SUN1: variants seen among roughly 807,000 people sequenced by gnomAD.
SUN1 encodes the protein SUN domain-containing protein 1.
A neutral mutation model predicts 103.2 loss-of-function variants in SUN1; 61 were observed. The ratio of observed to expected loss-of-function variants is 0.59; its 90% CI spans 0.48 to 0.73. The LOEUF (loss-of-function observed/expected upper bound fraction) is 0.73, where lower values mean the gene tolerates loss of function less well. SUN1 is among the 30% of genes least tolerant of loss of function. The pLI is 0.00. For missense variants in SUN1, 1,052 were observed against 1,034.6 expected (o/e 1.02, Z -0.23); for synonymous variants, 490 against 425.7 (o/e 1.15, Z -1.86).
chr7:823,195 G>A (rs775797545), intron 1 of SUN1, among the ~76,000 whole-genome samples: 2 of 152,258 alleles, frequency 1.3e-5, no homozygotes, highest in African/African-American at 2.4e-5. Flanking sequence ...GATTAGAGCC[G>A]AAGGTGAATG....
chr7:827,707 C>G (rs1340152341), upstream of SUN1, among the ~76,000 whole-genome samples: 1 of 151,966 alleles, frequency 6.6e-6, no homozygotes, highest in Non-Finnish European at 1.5e-5. Flanking sequence ...ACCTTGTGAT[C>G]CTCCCACCTT....
At chr7:855,235 A>C (rs1174246650) in intron 11 of SUN1, among the ~76,000 whole-genome samples, 2 of 152,198 alleles carry the variant, frequency 1.3e-5, no homozygotes, top group African/African-American at 4.8e-5. Flanking sequence ...GGCACAGAGC[A>C]GGGCTGCACA....
At chr7:823,131 G>A (rs181960029) in intron 1 of SUN1, among the ~76,000 whole-genome samples, 30 of 152,374 alleles carry the variant, frequency 2.0e-4, no homozygotes, top group Middle Eastern at 3.4e-3. Flanking sequence ...GGTGCGTGGC[G>A]TGGAGAGCGC....
chr7:841,684 C>T, intron 2 of SUN1: 15 of 394,988 alleles, frequency 3.8e-5, no homozygotes, highest in Middle Eastern at 7.0e-4. Flanking sequence ...TTTATTTTAG[C>T]TTTTAACCAC....
intron 1 of SUN1, among the ~76,000 whole-genome samples, chr7:826,385 ATGCCCCGCTCGG>A (rs1791974564): frequency 6.6e-6 from 1 of 151,210 alleles, no homozygotes; most frequent in Non-Finnish European, 1.5e-5. Flanking sequence ...TGTGCTCATC[ATGCCCCGCTCGG>A]TGTCTCTCGG....
intron 1 of SUN1, among the ~76,000 whole-genome samples, chr7:820,442 G>A (rs1455885222): frequency 6.6e-6 from 1 of 152,160 alleles, no homozygotes; most frequent in Non-Finnish European, 1.5e-5. Flanking sequence ...ACTTTGCTGA[G>A]TTTGCTTGTT....
chr7:849,699 G>A (rs1229502228), intron 5 of SUN1: 3 of 1,355,770 alleles, frequency 2.2e-6, no homozygotes, highest in Admixed American at 1.7e-5. Context: ...AACGGCCCGT[G>A]TGACATGGTG....
At chr7:839,317 C>A in intron 2 of SUN1, 1 of 270,298 alleles carries the variant, frequency 3.7e-6, no homozygotes, top group Non-Finnish European at 6.9e-6. Context: ...TACAGCTGTC[C>A]TACCACATGT....
At chr7:853,364 A>G (rs768247155) in intron 9 of SUN1, 45 bp from the exon 10 acceptor site, 2 of 1,606,148 alleles carry the variant, frequency 1.2e-6, no homozygotes, top group Admixed American at 1.7e-5. Flanking sequence ...CTCTGTGCTC[A>G]TGCTTGTTTG....
intron 2 of SUN1, 178 bp downstream of exon 2, chr7:839,164 T>G (rs372319993): frequency 3.5e-5 from 19 of 542,706 alleles, no homozygotes; most frequent in African/African-American, 9.6e-5. Context: ...AAATAAAGAC[T>G]GAAAGGAACT....
At chr7:832,075 C>CTAT (rs1218999839), upstream of SUN1, 17 of 992,604 alleles carry the variant, frequency 1.7e-5, no homozygotes, top group Non-Finnish European at 2.0e-5. Context: ...GGAACGCATA[C>CTAT]GCTGCTGCTT....
intron 5 of SUN1, 122 bp downstream of exon 5, chr7:843,642 TAAG>T: frequency 6.3e-7 from 1 of 1,578,468 alleles, no homozygotes; most frequent in Non-Finnish European, 8.6e-7. Flanking sequence ...CTTGAAAGCA[TAAG>T]AAGTACACCC....
In SUN1 at chr7:869,468, G is replaced by C; in HGVS notation, c.2100G>C (p.Leu700=). The change falls in exon 17 of 19, where the codon CTG becomes CTC. Residue 700 remains leucine (L), a synonymous_variant. Transcript: ENST00000401592. ...AFTLEHIPKT[L]SPTGNISSAP... is the part of the protein sequence containing the mutation. ...CTCTGGAGCACATCCCTAAGACGCT[G>C]TCGCCAACAGGCAACATCAGCAGCG... 6.2e-7 allele frequency: 1 copy of C among 1,613,882 alleles called. No individual in the cohort carries two copies. The highest frequency in any genetic ancestry group is 8.5e-7 in the Non-Finnish European group (1 of 1,179,854).
chr7:845,431 G>A (rs946721164), intron 5 of SUN1, among the ~76,000 whole-genome samples: 20 of 152,166 alleles, frequency 1.3e-4, no homozygotes, highest in Admixed American at 2.6e-4. Context: ...GACTTGTGCG[G>A]CCCACACTAG....
intron 7 of SUN1, chr7:852,255 G>C (rs1822915695): frequency 1.6e-6 from 1 of 619,222 alleles, no homozygotes; most frequent in Non-Finnish European, 2.8e-6. Flanking sequence ...AATGTGCAGA[G>C]GTGAGGCAGC....
chr7:844,914 G>A (rs1813859408), intron 5 of SUN1, among the ~76,000 whole-genome samples: 1 of 152,166 alleles, frequency 6.6e-6, no homozygotes, highest in Admixed American at 6.5e-5. Flanking sequence ...CAGGGCCCCG[G>A]GGGTGCTGCA....
chr7:839,671 G>C (rs1175640091), intron 2 of SUN1, among the ~76,000 whole-genome samples: 1 of 113,402 alleles, frequency 8.8e-6, no homozygotes, highest in Non-Finnish European at 1.9e-5. Flanking sequence ...TCCTGCCTCA[G>C]CCTCCCGAGT....
intron 5 of SUN1, among the ~76,000 whole-genome samples, chr7:847,861 G>A (rs1285486228): frequency 1.8e-4 from 26 of 141,652 alleles, no homozygotes; most frequent in East Asian, 1.6e-3. Context: ...CGGAGTTGGC[G>A]GCCTTCCCCT....
chr7:860,358 G>C lies in SUN1; in HGVS notation c.1755G>C (p.Ala585=). 1.9e-6 allele frequency: 3 copies of C among 1,613,896 alleles called. No homozygotes were observed. Among genetic ancestry groups the C allele is most frequent in the Non-Finnish European group, 2.5e-6 (3 of 1,179,852 alleles). The change falls in exon 14 of 19, where the codon GCG becomes GCC. Residue 585 remains alanine, a synonymous_variant. Coordinates refer to ENST00000401592, the MANE Select transcript of SUN1 (RefSeq NM_001130965.3). ...CCGTGGTGTCTGCTGTGAGCGAGGC[G>C]GGGGCGTCTGGAATAACAGAGGCGG... is the stretch of plus-strand genomic sequence containing the variant. ...SEAVVSAVSE[A]GASGITEAQA... is the part of the protein sequence containing the mutation.
Sources: gnomAD v4.1 joint callset for allele counts (sites outside exome capture counted in the v4.1 genomes callset) on GRCh38, gnomAD v4.1.1 for gene constraint, MANE v1.5 for transcripts, NCBI Gene and HGNC (gene_info 2026-07-23, HGNC 2026-07-21) for gene names.